CACNA2D3: variants seen among roughly 807,000 people sequenced by gnomAD.
The protein encoded by CACNA2D3 is calcium voltage-gated channel auxiliary subunit alpha2delta 3.
Under a neutral mutation model 160.6 loss-of-function variants are expected in CACNA2D3, and 60 were observed. The observed-to-expected ratio is 0.37, with a 90% CI of 0.30 to 0.46. CACNA2D3 has a LOEUF of 0.46. Ranked by LOEUF, CACNA2D3 falls within the 20% of genes least tolerant of loss-of-function variation. CACNA2D3 has a pLI of 1.00. For synonymous variants in CACNA2D3, 558 were observed against 492.9 expected (o/e 1.13, Z -1.75); for missense variants, 1,205 against 1,365.0 (o/e 0.88, Z 1.85).
intron 9 of CACNA2D3, among the ~76,000 whole-genome samples, chr3:54,605,486 G>A (rs1045190762): frequency 6.6e-5 from 10 of 152,002 alleles, no homozygotes; most frequent in African/African-American, 2.2e-4. Flanking sequence ...GACTTGCCTC[G>A]AATGCTACCA....
rs546045481 is a variant in CACNA2D3 at position 54,464,720 on chromosome 3, C to T, written c.382-38772C>T. Reference sequence around the variant, plus strand: ...GGAAGGGGAACTCCCTGACCCCTCGCGCTTCCTGAGTGAGGCAATGCCTCG... The same window carrying T: ...GGAAGGGGAACTCCCTGACCCCTCGTGCTTCCTGAGTGAGGCAATGCCTCG... On this transcript the variant is annotated intron_variant, in intron 4 of 37. Coordinates refer to ENST00000474759, the MANE Select transcript of CACNA2D3 (RefSeq NM_018398.3). Among the ~76,000 whole-genome samples the T allele has an allele frequency of 3.6e-4, 55 of 152,346 alleles. 2 individuals carry two copies. In the South Asian group the frequency reaches 7.7e-3, roughly 21 times the overall value.
chr3:54,440,722 T>C (rs183410039), intron 4 of CACNA2D3, among the ~76,000 whole-genome samples: 2 of 152,126 alleles, frequency 1.3e-5, no homozygotes, highest in African/African-American at 4.8e-5. Context: ...CACCTATGAG[T>C]GAGAACATGC....
intron 12 of CACNA2D3, among the ~76,000 whole-genome samples, chr3:54,763,769 G>GTA (rs71096448): frequency 0.9 from 44,365 of 49,242 alleles, 20,437 homozygotes; most frequent in Middle Eastern, 0.99. Flanking sequence ...ACATATATAT[G>GTA]TATATATGTA....
chr3:54,605,443 C>G (rs1368622127), intron 9 of CACNA2D3, among the ~76,000 whole-genome samples: 1 of 152,138 alleles, frequency 6.6e-6, no homozygotes, highest in Non-Finnish European at 1.5e-5. Context: ...TATTCACCAG[C>G]ATTTCAGACA....
chr3:54,490,441 A>G (rs1273092813), intron 4 of CACNA2D3, among the ~76,000 whole-genome samples: 8 of 152,268 alleles, frequency 5.3e-5, no homozygotes, highest in Admixed American at 6.5e-5. Context: ...CAACAGAATC[A>G]GGAGGTCCAT....
intron 29 of CACNA2D3, among the ~76,000 whole-genome samples, chr3:54,972,777 C>T (rs1401194714): frequency 6.6e-6 from 1 of 152,152 alleles, no homozygotes; most frequent in African/African-American, 2.4e-5. Flanking sequence ...AGCCATGTGA[C>T]TTGAGGGCCT....
intron 4 of CACNA2D3, among the ~76,000 whole-genome samples, chr3:54,428,204 AC>A (rs1014869859): frequency 6.6e-6 from 1 of 152,064 alleles, no homozygotes; most frequent in Admixed American, 6.6e-5. Context: ...GCTTTATAAA[AC>A]CCAGGGCTCG....
chr3:54,724,232 T>C (rs1701233174), intron 11 of CACNA2D3, among the ~76,000 whole-genome samples: 1 of 152,166 alleles, frequency 6.6e-6, no homozygotes, highest in Middle Eastern at 3.2e-3. Flanking sequence ...CCTAAATATA[T>C]ATACACCCAA....
Position 54,752,640 on chromosome 3 carries a change from T to G in CACNA2D3, c.1209T>G (p.Phe403Leu). ...ACCTCATTGGACGAGAGGCTGCGTT[T>G]GCAGACAATCTAAAGTGGATGGCCT... ...FTYLIGREAA[F>L]ADNLKWMACA... Residue 403 changes from phenylalanine (F) to leucine (L), a missense_variant, in exon 12 of 38, where the codon TTT becomes TTG. Physicochemically the swap from Phe to Leu is conservative, Grantham distance 22 (BLOSUM62 0). Coordinates refer to ENST00000474759, the MANE Select transcript of CACNA2D3 (RefSeq NM_018398.3). The G allele has an allele frequency of 1.2e-6, 2 of 1,613,612 alleles. No individual in the cohort carries two copies. The highest frequency in any genetic ancestry group is 1.6e-4 in the Middle Eastern group (1 of 6,062).
intron 35 of CACNA2D3, among the ~76,000 whole-genome samples, chr3:55,059,854 T>C (rs1188931095): frequency 1.3e-5 from 2 of 152,024 alleles, no homozygotes; most frequent in Non-Finnish European, 2.9e-5. Flanking sequence ...ACACCCGTTC[T>C]CCTCTCCAAC....
At chr3:54,442,941 T>C (rs9868065) in intron 4 of CACNA2D3, among the ~76,000 whole-genome samples, 36 of 152,138 alleles carry the variant, frequency 2.4e-4, no homozygotes, top group African/African-American at 8.2e-4. Context: ...TGAAACCCAT[T>C]CCACCATATA....
intron 5 of CACNA2D3, among the ~76,000 whole-genome samples, chr3:54,504,466 G>A (rs528389933): frequency 1.3e-5 from 2 of 152,164 alleles, no homozygotes; most frequent in South Asian, 4.2e-4. Flanking sequence ...TACCTCCTGG[G>A]GGTGGTTTTG....
intron 27 of CACNA2D3, among the ~76,000 whole-genome samples, chr3:54,938,853 G>A (rs1559637798): frequency 6.6e-6 from 1 of 152,122 alleles, no homozygotes; most frequent in Non-Finnish European, 1.5e-5. Context: ...GTTGAGTTTG[G>A]GCATGTGGAC....
At position 54,418,706 on chromosome 3, in the gene CACNA2D3, T is replaced by G. The variant is rs552302204; in HGVS notation, c.381+31932T>G. On this transcript the variant is annotated intron_variant, in intron 4 of 37. Coordinates refer to ENST00000474759, the MANE Select transcript of CACNA2D3 (RefSeq NM_018398.3). Reference sequence around the variant, plus strand: ...TGGGTATATTTCTTACATGCCTAGTTTGTATAGTTAGGAAGAGGATACCCT... The same window carrying G: ...TGGGTATATTTCTTACATGCCTAGTGTGTATAGTTAGGAAGAGGATACCCT... Among the ~76,000 whole-genome samples, 18 of 152,314 alleles carry G rather than the reference T, an allele frequency of 1.2e-4. No individual in the cohort carries two copies. The East Asian group carries it at 2.9e-3, about 24-fold the overall frequency.
At chr3:54,711,156 C>T (rs1700944954) in intron 11 of CACNA2D3, among the ~76,000 whole-genome samples, 1 of 152,166 alleles carries the variant, frequency 6.6e-6, no homozygotes, top group Admixed American at 6.5e-5. Context: ...AGCCAGCTTA[C>T]CTCTCTGAGC....
rs934746808 is a variant in CACNA2D3, at chr3:55,074,181, T to A, written c.3251T>A (p.Leu1084Gln). The change falls in exon 38 of 38, where the codon CTG (leucine) becomes CAG (glutamine). Residue 1084 changes from leucine to glutamine, a missense_variant. By Grantham distance (113) the Leu-to-Gln change is moderately radical. Coordinates refer to ENST00000474759, the MANE Select transcript of CACNA2D3 (RefSeq NM_018398.3). ...CAGACAGTCCTCCTTCTGCTCCCTC[T>A]GCTTTTGATGCTCTTCTCAAGGTGA... is the stretch of plus-strand genomic sequence containing the variant. ...QAQTVLLLLP[L>Q]LLMLFSR 6.2e-7 allele frequency: 1 copy of A among 1,613,772 alleles called. No homozygotes were observed. The highest frequency in any genetic ancestry group is 8.5e-7 in the Non-Finnish European group (1 of 1,179,724).
rs145781417 is a variant in CACNA2D3 at position 54,389,267 on chromosome 3, C to T, written c.381+2493C>T. On this transcript the variant is annotated intron_variant, in intron 4 of 37. Coordinates refer to ENST00000474759, the MANE Select transcript of CACNA2D3 (RefSeq NM_018398.3). The stretch of plus-strand genomic sequence containing the variant: ...CCGAGATCACGCCAGTGCACTCCAG[C>T]CTGGGCAACAAAGAGCGAAACTCCG... Among the ~76,000 whole-genome samples the T allele has an allele frequency of 7.9e-5, 12 of 150,980 alleles. No individual in the cohort carries two copies. The East Asian group carries it at 9.8e-4, about 12-fold the overall frequency.
Position 54,750,165 on chromosome 3 carries a change from C to T in CACNA2D3, c.1168-2434C>T, listed in dbSNP as rs559711048. 4.6e-5 allele frequency among the ~76,000 whole-genome samples: 7 copies of T among 152,300 alleles called. No individual in the cohort carries two copies. The South Asian group carries it at 1.4e-3, about 32-fold the overall frequency. On this transcript the variant is annotated intron_variant, in intron 11 of 37. Transcript: ENST00000474759. ...TATTGTTCTGGAGTTTTAACTATGTCTCCAAGAGAACTCAGTTTATATGAA... is the reference window on the plus strand; with the variant it reads ...TATTGTTCTGGAGTTTTAACTATGTTTCCAAGAGAACTCAGTTTATATGAA...
intron 2 of CACNA2D3, among the ~76,000 whole-genome samples, chr3:54,217,159 A>C (rs529289857): frequency 6.6e-6 from 1 of 152,098 alleles, no homozygotes; most frequent in African/African-American, 2.4e-5. Flanking sequence ...CCTGGGAGGG[A>C]GGAAGGAGTG....
Sources: allele counts gnomAD v4.1 joint callset (sites outside exome capture counted in the v4.1 genomes callset), GRCh38; gene constraint gnomAD v4.1.1; transcripts MANE v1.5; gene names NCBI Gene and HGNC (gene_info 2026-07-23, HGNC 2026-07-21).